Variants in RALGAPA2 observed in about 807,000 individuals in gnomAD.
The protein encoded by RALGAPA2 is Ral GTPase activating protein catalytic subunit alpha 2.
A neutral mutation model predicts 230.4 loss-of-function variants in RALGAPA2; 139 were observed. The observed-to-expected ratio is 0.60, with a 90% CI of 0.53 to 0.69. The LOEUF is 0.69. Among genes scored for constraint, RALGAPA2 ranks in the 30% least tolerant of loss-of-function variants. RALGAPA2 has a pLI of 0.00. For synonymous variants in RALGAPA2, 847 were observed against 837.8 expected, an observed-to-expected ratio of 1.01 and a Z score of -0.19; for missense variants, 2,163 against 2,276.0, an observed-to-expected ratio of 0.95 and a Z score of 1.01.
intron 23 of RALGAPA2, among the ~76,000 whole-genome samples, chr20:20,566,740 T>C (rs893363690): frequency 6.6e-6 from 1 of 152,322 alleles, no homozygotes; most frequent in East Asian, 1.9e-4. Flanking sequence ...CAAACCCAAA[T>C]GATTTGGCTA....
chr20:20,636,924 T>C (rs573132811), intron 8 of RALGAPA2, among the ~76,000 whole-genome samples: 1 of 152,152 alleles, frequency 6.6e-6, no homozygotes, highest in Non-Finnish European at 1.5e-5. Flanking sequence ...CTGTCAGTAG[T>C]AGCTGCTGGA....
rs989006760 is a variant in RALGAPA2 at position 20,437,977 on chromosome 20, G to A, written c.5496-25829C>T. Among the ~76,000 whole-genome samples the A allele has an allele frequency of 6.6e-6, 1 of 151,862 alleles. No individual in the cohort carries two copies. Among genetic ancestry groups the A allele is most frequent in the African/African-American group, 2.4e-5 (1 of 41,150 alleles). On this transcript the variant is annotated intron_variant, in intron 37 of 39. Transcript: ENST00000202677. The surrounding 1 kb of genome is among the most constrained non-coding windows in gnomAD (Gnocchi z 4.1). ...GGTTCCAGTGGATCCTGACTCCGTG[G>A]TTCTTATGAATCCCGCAAAGAGTGG...
At chr20:20,550,726 G>A (rs1315809676) in intron 23 of RALGAPA2, among the ~76,000 whole-genome samples, 3 of 152,112 alleles carry the variant, frequency 2.0e-5, no homozygotes, top group Non-Finnish European at 2.9e-5. Context: ...CTTCTCTTCC[G>A]TAAAATGAAA....
intron 4 of RALGAPA2, among the ~76,000 whole-genome samples, chr20:20,647,262 A>G (rs1242327063): frequency 6.6e-6 from 1 of 152,168 alleles, no homozygotes; most frequent in Non-Finnish European, 1.5e-5. Context: ...CTCCTTCTCA[A>G]TATCACACTT....
At chr20:20,684,614 G>A (rs886680197) in intron 1 of RALGAPA2, among the ~76,000 whole-genome samples, 1 of 152,120 alleles carries the variant, frequency 6.6e-6, no homozygotes, top group Non-Finnish European at 1.5e-5. Flanking sequence ...GAACCCAGAA[G>A]CATAGCATCT....
At chr20:20,649,705 A>G (rs1462546891) in intron 4 of RALGAPA2, among the ~76,000 whole-genome samples, 1 of 152,220 alleles carries the variant, frequency 6.6e-6, no homozygotes, top group Non-Finnish European at 1.5e-5. Context: ...AGCACTGTAC[A>G]CTGAATGAGA....
At chr20:20,507,378 C>T (rs1310465208) in intron 33 of RALGAPA2, among the ~76,000 whole-genome samples, 3 of 152,094 alleles carry the variant, frequency 2.0e-5, no homozygotes, top group Admixed American at 6.5e-5. Flanking sequence ...AGTCTCACTT[C>T]GTCACCCAGG....
intron 1 of RALGAPA2, among the ~76,000 whole-genome samples, chr20:20,684,561 T>A (rs2068634534): frequency 6.6e-6 from 1 of 152,178 alleles, no homozygotes; most frequent in Admixed American, 6.5e-5. Flanking sequence ...AAGTACTCAC[T>A]AACAAGACAA....
At chr20:20,561,464 A>G (rs1602803148) in intron 23 of RALGAPA2, among the ~76,000 whole-genome samples, 1 of 152,098 alleles carries the variant, frequency 6.6e-6, no homozygotes, top group Non-Finnish European at 1.5e-5. Flanking sequence ...ACAACTTTCT[A>G]CTTTGGGCTT....
intron 36 of RALGAPA2, among the ~76,000 whole-genome samples, chr20:20,481,380 C>T (rs1406059000): frequency 1.3e-5 from 2 of 152,204 alleles, no homozygotes; most frequent in Admixed American, 1.3e-4. Flanking sequence ...TCACAGATAA[C>T]CTCCAGCCTC....
At position 20,712,543 on chromosome 20, in the gene RALGAPA2, A is replaced by G. The variant is rs572603143; in HGVS notation, c.-63T>C. ...TAGGCGCCTGCGCCACGCGAATCAAAGCATAGGGTCGAGGCCGGCGCGTGT... is the reference window on the plus strand; with the variant it reads ...TAGGCGCCTGCGCCACGCGAATCAAGGCATAGGGTCGAGGCCGGCGCGTGT... On this transcript the variant is annotated 5_prime_UTR_variant, in exon 1 of 40. Transcript: ENST00000202677. This position sits in a 1 kb window ranked among gnomAD's most constrained non-coding sequence, Gnocchi z 5.5. The G allele has an allele frequency of 1.5e-4, 223 of 1,466,344 alleles. 1 individual carries two copies. In the African/African-American group the frequency reaches 3.0e-3, roughly 20 times the overall value. The allele number at this position is 1,466,344 out of a possible 1,614,324, so 90.8% of individuals were successfully genotyped here. A position where few individuals can be genotyped will look rare whatever the true frequency, so the allele number is the denominator to read the frequency against.
At chr20:20,709,917 A>G (rs1019991321) in intron 1 of RALGAPA2, among the ~76,000 whole-genome samples, 20 of 152,224 alleles carry the variant, frequency 1.3e-4, no homozygotes, top group African/African-American at 4.6e-4. Context: ...TACTGGTCCT[A>G]TCCTATTAAT....
chr20:20,423,934 T>C (rs951179680), intron 37 of RALGAPA2, among the ~76,000 whole-genome samples: 1 of 152,186 alleles, frequency 6.6e-6, no homozygotes, highest in Non-Finnish European at 1.5e-5. Context: ...AAATACCATA[T>C]AACCAAGTTT....
chr20:20,513,003 G>A lies in RALGAPA2; in HGVS notation c.4366C>T (p.Leu1456Phe). 6.2e-7 allele frequency: 1 copy of A among 1,613,778 alleles called. No individual in the cohort carries two copies. Among genetic ancestry groups the A allele is most frequent in the Non-Finnish European group, 8.5e-7 (1 of 1,179,786 alleles). The change falls in exon 32 of 40, where the codon CTC becomes TTC. Residue 1456 changes from leucine (L) to phenylalanine (F), a missense_variant. Physicochemically the swap from Leu to Phe is conservative, Grantham distance 22 (BLOSUM62 0). Coordinates refer to ENST00000202677, the MANE Select transcript of RALGAPA2 (RefSeq NM_020343.4). Reference sequence around the variant, plus strand: ...CTCACAATTACTCTCACATCAGAGAGAGAGCCCACTGGTGATCCCCCTACC... The same window carrying A: ...CTCACAATTACTCTCACATCAGAGAAAGAGCCCACTGGTGATCCCCCTACC... ...GPVGGSPVGS[L>F]SDVRVIVRDI...
At chr20:20,588,435 A>G (rs2065194160) in intron 18 of RALGAPA2, among the ~76,000 whole-genome samples, 1 of 152,220 alleles carries the variant, frequency 6.6e-6, no homozygotes, top group Admixed American at 6.5e-5. Flanking sequence ...ATAGTTACAT[A>G]GCAAAACTAC....
chr20:20,669,866 T>C (rs991293775), intron 3 of RALGAPA2, among the ~76,000 whole-genome samples: 1 of 152,242 alleles, frequency 6.6e-6, no homozygotes, highest in Non-Finnish European at 1.5e-5. Flanking sequence ...AAATAACCTG[T>C]CAAGCTTGAA....
At chr20:20,689,991 C>T (rs1278986707) in intron 1 of RALGAPA2, among the ~76,000 whole-genome samples, 1 of 152,052 alleles carries the variant, frequency 6.6e-6, no homozygotes, top group African/African-American at 2.4e-5. Flanking sequence ...CTGTCCACTA[C>T]CCCCCTCATC....
rs1215745624 is a variant in RALGAPA2 at position 20,548,569 on chromosome 20, G to GA, written c.3157-1738dup. The stretch of plus-strand genomic sequence containing the variant: ...GATAAGTGAAAAAGGAAGGAAGGAA[G>GA]AAAAAAAAACATGAACCATGCTTCT... On this transcript the variant is annotated intron_variant, in intron 23 of 39. Transcript: ENST00000202677. 5.3e-5 allele frequency among the ~76,000 whole-genome samples: 8 copies of GA among 150,486 alleles called. No homozygotes were observed. The South Asian group carries it at 1.1e-3, about 20-fold the overall frequency.
At chr20:20,482,774 C>T (rs1019267055) in intron 36 of RALGAPA2, among the ~76,000 whole-genome samples, 20 of 152,124 alleles carry the variant, frequency 1.3e-4, no homozygotes, top group African/African-American at 4.6e-4. Flanking sequence ...GAAGCCTAGA[C>T]TGGATTTGAG....
Sources: allele counts gnomAD v4.1 joint callset (sites outside exome capture counted in the v4.1 genomes callset), GRCh38; gene constraint gnomAD v4.1.1; non-coding constraint Gnocchi (gnomAD v3.1); transcripts MANE v1.5; gene names NCBI Gene and HGNC (gene_info 2026-07-23, HGNC 2026-07-21).